The following FBN3 variants were observed in gnomAD, a reference collection of about 807,000 sequenced individuals.
FBN3 encodes fibrillin 3.
Under a neutral mutation model 330.1 loss-of-function variants are expected in FBN3, and 234 were observed. The observed-to-expected ratio is 0.71, with a 90% CI of 0.64 to 0.79. The LOEUF (loss-of-function observed/expected upper bound fraction) is 0.79, where lower values mean the gene tolerates loss of function less well. Among genes scored for constraint, FBN3 ranks in the 30% least tolerant of loss-of-function variants. FBN3 has a pLI of 0.00. For missense variants in FBN3, 3,606 were observed against 3,886.9 expected (o/e 0.93, Z 1.92); for synonymous variants, 1,458 against 1,517.3 (o/e 0.96, Z 0.91).
At chr19:8,074,934 C>T in intron 61 of FBN3, 137 bp downstream of exon 61, 2 of 1,213,918 alleles carry the variant, frequency 1.6e-6, no homozygotes, top group Non-Finnish European at 2.3e-6. Flanking sequence ...GGGGAACTCA[C>T]TACCTTCTGG....
chr19:8,068,290 C>G (rs964947824), intron 63 of FBN3, among the ~76,000 whole-genome samples: 2 of 151,390 alleles, frequency 1.3e-5, no homozygotes, highest in African/African-American at 4.9e-5. Context: ...ACTCCAGAGG[C>G]TGAGCCAGGA....
intron 27 of FBN3, 46 bp downstream of exon 27, chr19:8,117,418 G>A (rs772826164): frequency 2.6e-6 from 4 of 1,555,186 alleles, no homozygotes; most frequent in Non-Finnish European, 3.5e-6. Context: ...ACTATGTCTG[G>A]GACTGTGGTT....
At chr19:8,120,472 T>A (rs1394924618) in intron 25 of FBN3, among the ~76,000 whole-genome samples, 9 of 139,668 alleles carry the variant, frequency 6.4e-5, no homozygotes, top group Non-Finnish European at 6.4e-5. Flanking sequence ...GCCTGGCTTT[T>A]TCCTCTTCCT....
chr19:8,071,538 T>C (rs2081511283), intron 63 of FBN3, among the ~76,000 whole-genome samples: 1 of 152,116 alleles, frequency 6.6e-6, no homozygotes, highest in Admixed American at 6.6e-5. Context: ...GCCTAAGGGT[T>C]TGTGAGAACA....
chr19:8,133,072 G>A lies in FBN3; in HGVS notation c.1626C>T (p.Val542=), dbSNP rs368874895. The change falls in exon 14 of 64, where the codon GTC becomes GTT. Residue 542 remains valine, a synonymous_variant. Coordinates refer to ENST00000600128, the MANE Select transcript of FBN3 (RefSeq NM_032447.5). ...HNECATSTMC[V]NGVCLNEDGS... is the part of the protein sequence containing the mutation. ...CATCCTCGTTGAGACACACGCCGTT[G>A]ACGCACATGGTGCTGGTGGCACACT... The A allele has an allele frequency of 3.4e-5, 54 of 1,584,594 alleles. No individual in the cohort carries two copies. Among genetic ancestry groups the A allele is most frequent in the South Asian group, 1.0e-4 (9 of 86,726 alleles).
chr19:8,089,664 T>C lies in FBN3; in HGVS notation c.6257A>G (p.Asn2086Ser). 4 of 1,614,134 alleles carry C rather than the reference T, an allele frequency of 2.5e-6. No homozygotes were observed. The highest frequency in any genetic ancestry group is 3.4e-6 in the Non-Finnish European group (4 of 1,180,002). Residue 2086 changes from asparagine to serine, a missense_variant, in exon 51 of 64, where the codon AAT becomes AGT. By Grantham distance (46) the Asn-to-Ser change is conservative. Coordinates refer to ENST00000600128, the MANE Select transcript of FBN3 (RefSeq NM_032447.5). ...PGPDDSREDV[N>S]ECAENPGVCT... ...GACGCCAGGGTTCTCTGCACACTCA[T>C]TCACGTCTGCGGATGGCAGGCGTTG...
Position 8,126,759 on chromosome 19 carries a change from T to A in FBN3, c.2370A>T (p.Lys790Asn). 1.3e-6 allele frequency: 2 copies of A among 1,593,588 alleles called. No individual in the cohort carries two copies. Among genetic ancestry groups the A allele is most frequent in the South Asian group, 2.3e-5 (2 of 88,322 alleles). Residue 790 changes from lysine to asparagine, a missense_variant, in exon 19 of 64, where the codon AAA (lysine) becomes AAT (asparagine). Coordinates refer to ENST00000600128, the MANE Select transcript of FBN3 (RefSeq NM_032447.5). ...GGTCCAGCCGGCTGCCAGGGCCACA[T>A]TTGCAGGTGTAGGAGCCGGCCAGGT... Reference protein sequence around the residue: ...CRNLAGSYTCKCGPGSRLDPS... With the variant: ...CRNLAGSYTCNCGPGSRLDPS...
Position 8,111,766 on chromosome 19 carries a change from C to A in FBN3, c.3966G>T (p.Leu1322=). The change falls in exon 32 of 64, where the codon CTG becomes CTT. Residue 1322 remains leucine, a synonymous_variant. Transcript: ENST00000600128. ...WVGDGFECHD[L]DECVSQEHRC... ...GGTGCTCCTGGGAGACGCATTCATC[C>A]AGGTCTGCAGGAGATGGAGCCCAGA... 6.2e-7 allele frequency: 1 copy of A among 1,612,374 alleles called. No individual in the cohort carries two copies. The highest frequency in any genetic ancestry group is 8.5e-7 in the Non-Finnish European group (1 of 1,178,882).
chr19:8,111,243 G>A (rs900741833), intron 32 of FBN3, 60 bp from the exon 33 acceptor site: 2 of 1,524,744 alleles, frequency 1.3e-6, no homozygotes, highest in South Asian at 1.3e-5. Flanking sequence ...ACACAGGGTG[G>A]GCAGGAGGCC....
intron 57 of FBN3, among the ~76,000 whole-genome samples, chr19:8,082,362 TCTTTTTTC>T (rs1451244039): frequency 7.4e-5 from 9 of 122,100 alleles, no homozygotes; most frequent in African/African-American, 2.7e-4. Context: ...TCTCTCTCTT[TCTTTTTTC>T]TTTCTTTCTC....
chr19:8,133,117 C>T lies in FBN3; in HGVS notation c.1592-11G>A. ...CACACTCGTTGTGGTCTGGGGACAA[C>T]AGCAGAGGCTGGGTCCAGGCAGGGA... On this transcript the variant is annotated splice_polypyrimidine_tract_variant and intron_variant, in intron 13 of 63. Transcript: ENST00000600128. 6.4e-7 allele frequency: 1 copy of T among 1,565,536 alleles called. No individual in the cohort carries two copies. Among genetic ancestry groups the T allele is most frequent in the South Asian group, 1.2e-5 (1 of 85,256 alleles).
chr19:8,144,853 C>T (rs1281596906), intron 6 of FBN3, 24 bp downstream of exon 6: 1 of 1,564,104 alleles, frequency 6.4e-7, no homozygotes, highest in Non-Finnish European at 8.7e-7. Flanking sequence ...CCCTGTCTAC[C>T]TCCCACCCGC....
intron 3 of FBN3, 71 bp downstream of exon 3, chr19:8,147,033 G>A: frequency 7.3e-7 from 1 of 1,373,660 alleles, no homozygotes; most frequent in Non-Finnish European, 1.0e-6. Flanking sequence ...TGTAAACAGA[G>A]CTGAACCTGC....
intron 8 of FBN3, among the ~76,000 whole-genome samples, chr19:8,139,477 C>T (rs1223343993): frequency 6.6e-6 from 1 of 152,148 alleles, no homozygotes; most frequent in African/African-American, 2.4e-5. Flanking sequence ...GGCATCCAAC[C>T]ACACTAAGGA....
At chr19:8,086,158 G>GGGGGGAACAGGCAGTGGGGGGGGACA in intron 55 of FBN3, 42 bp downstream of exon 55, 1 of 1,568,634 alleles carries the variant, frequency 6.4e-7, no homozygotes, top group Non-Finnish European at 8.7e-7. Flanking sequence ...GGTGCCACAT[G>GGGGGGAACAGGCAGTGGGGGGGGACA]GTAGGTGGTT....
chr19:8,114,707 G>A (rs1416289020), intron 30 of FBN3, among the ~76,000 whole-genome samples: 2 of 151,818 alleles, frequency 1.3e-5, no homozygotes, highest in African/African-American at 4.8e-5. Flanking sequence ...TTACAAAAGT[G>A]TGAGCCACTG....
chr19:8,097,122 C>G (rs978196663), intron 42 of FBN3, 116 bp from the exon 43 acceptor site: 1 of 1,497,796 alleles, frequency 6.7e-7, no homozygotes, highest in East Asian at 2.3e-5. Context: ...GCAGCCAGAG[C>G]TGGAGTAAGG....
At chr19:8,112,656 A>G (rs2082617403) in intron 30 of FBN3, among the ~76,000 whole-genome samples, 1 of 152,190 alleles carries the variant, frequency 6.6e-6, no homozygotes, top group Admixed American at 6.5e-5. Context: ...TCTCAAAAAA[A>G]TAAATAAATA....
intron 24 of FBN3, among the ~76,000 whole-genome samples, chr19:8,123,231 G>A (rs1599394980): frequency 6.6e-6 from 1 of 152,036 alleles, no homozygotes; most frequent in Admixed American, 6.6e-5. Flanking sequence ...GCACATGCCT[G>A]TAATCCCAGC....
Sources: allele counts gnomAD v4.1 joint callset (sites outside exome capture counted in the v4.1 genomes callset), GRCh38; gene constraint gnomAD v4.1.1; transcripts MANE v1.5; gene names NCBI Gene and HGNC (gene_info 2026-07-23, HGNC 2026-07-21).